PSEN1: variants seen among roughly 807,000 people sequenced by gnomAD.
PSEN1 encodes presenilin 1.
A neutral mutation model predicts 53.5 loss-of-function variants in PSEN1; 15 were observed. The observed-to-expected ratio is 0.28, with a 90% confidence interval of 0.19 to 0.43. The LOEUF (loss-of-function observed/expected upper bound fraction) is 0.43, where lower values mean the gene tolerates loss of function less well. Ranked by LOEUF, PSEN1 falls within the 20% of genes least tolerant of loss-of-function variation. The pLI is 1.00. For missense variants in PSEN1, 387 were observed against 571.2 expected, an observed-to-expected ratio of 0.68 and a Z score of 3.29; for synonymous variants, 208 against 209.8, an observed-to-expected ratio of 0.99 and a Z score of 0.08.
Position 73,211,762 on chromosome 14 carries a change from C to G in PSEN1, c.956-7C>G. On this transcript the variant is annotated splice_polypyrimidine_tract_variant and splice_region_variant and intron_variant, in intron 9 of 11. Coordinates refer to ENST00000324501, the MANE Select transcript of PSEN1 (RefSeq NM_000021.4). Reference sequence around the variant, plus strand: ...ATTAGAGCTGTAACTTCCACTTTCTCTTGAAGGCACAGAAAGGGAGTCACA... The same window carrying G: ...ATTAGAGCTGTAACTTCCACTTTCTGTTGAAGGCACAGAAAGGGAGTCACA... 1 of 1,613,916 alleles carries G rather than the reference C, an allele frequency of 6.2e-7. No homozygotes were observed. The highest frequency in any genetic ancestry group is 1.1e-5 in the South Asian group (1 of 91,056).
intron 8 of PSEN1, among the ~76,000 whole-genome samples, chr14:73,202,456 ATATATATTTTTTTTT>A (rs1899257028): frequency 6.8e-5 from 1 of 14,744 alleles, no homozygotes; most frequent in Admixed American, 9.6e-4. Context: ...ATATATATAT[ATATATATTTTTTTTT>A]TTTTTTTTTT....
chr14:73,145,731 A>G (rs978629015), intron 1 of PSEN1, among the ~76,000 whole-genome samples: 1 of 152,222 alleles, frequency 6.6e-6, no homozygotes, highest in Non-Finnish European at 1.5e-5. Flanking sequence ...TTTTTGCATC[A>G]TACTAAAGCT....
At chr14:73,198,252 A>G in intron 8 of PSEN1, 123 bp downstream of exon 8, 1 of 676,656 alleles carries the variant, frequency 1.5e-6, no homozygotes, top group Non-Finnish European at 2.7e-6. Flanking sequence ...CATTCCTGGA[A>G]CTCCTGCAGA....
chr14:73,177,898 T>C (rs1898090689), intron 5 of PSEN1, among the ~76,000 whole-genome samples: 1 of 152,180 alleles, frequency 6.6e-6, no homozygotes, highest in Admixed American at 6.5e-5. Flanking sequence ...GGTTTATGTC[T>C]TTTACCAAAT....
intron 10 of PSEN1, among the ~76,000 whole-genome samples, 188 bp from the exon 11 acceptor site, chr14:73,216,938 A>G (rs866732494): frequency 6.6e-6 from 1 of 152,190 alleles, no homozygotes; most frequent in African/African-American, 2.4e-5. Context: ...AGTCAGTCAC[A>G]TAGAATCTGG....
chr14:73,139,295 A>C (rs77462509), intron 1 of PSEN1: 5 of 149,502 alleles, frequency 3.3e-5, no homozygotes, highest in African/African-American at 1.2e-4. Context: ...TTTTAAAAAA[A>C]GGCTGGGCAC....
intron 1 of PSEN1, among the ~76,000 whole-genome samples, chr14:73,144,158 A>C (rs1696550419): frequency 6.8e-6 from 1 of 147,006 alleles, no homozygotes. Context: ...GTCCTGCCTC[A>C]GCCTCCCGAG....
chr14:73,203,768 A>C (rs362370), intron 8 of PSEN1, among the ~76,000 whole-genome samples: 1 of 152,302 alleles, frequency 6.6e-6, no homozygotes, highest in East Asian at 1.9e-4. Context: ...TGGGAGCTTA[A>C]CTAGAAGGGA....
intron 9 of PSEN1, 54 bp downstream of exon 9, chr14:73,206,526 C>T: frequency 8.4e-7 from 1 of 1,185,588 alleles, no homozygotes; most frequent in Non-Finnish European, 1.3e-6. Flanking sequence ...CTGTTATAAG[C>T]TAACAGTATA....
At chr14:73,197,026 G>A (rs977714713) in intron 7 of PSEN1, among the ~76,000 whole-genome samples, 9 of 148,756 alleles carry the variant, frequency 6.1e-5, no homozygotes, top group East Asian at 4.0e-4. Flanking sequence ...TCCGCTTCCC[G>A]GGTTCACGCC....
chr14:73,211,735 A>G, intron 9 of PSEN1, 34 bp from the exon 10 acceptor site: 1 of 1,612,332 alleles, frequency 6.2e-7, no homozygotes, highest in Non-Finnish European at 8.5e-7. Flanking sequence ...ATTTTTCTAA[A>G]TATTAGAGCT....
intron 3 of PSEN1, chr14:73,167,734 C>G (rs1897758261): frequency 6.7e-6 from 1 of 148,236 alleles, no homozygotes; most frequent in Non-Finnish European, 1.5e-5. Context: ...TCTAAAATAA[C>G]GTTTTCTGTT....
At chr14:73,200,983 G>A (rs778710007) in intron 8 of PSEN1, among the ~76,000 whole-genome samples, 19 of 152,068 alleles carry the variant, frequency 1.2e-4, no homozygotes, top group Admixed American at 3.3e-4. Context: ...CCCAGGAGGC[G>A]GAGGTTACAG....
intron 3 of PSEN1, among the ~76,000 whole-genome samples, chr14:73,157,904 T>G (rs1566622832): frequency 6.6e-6 from 1 of 152,140 alleles, no homozygotes; most frequent in East Asian, 1.9e-4. Flanking sequence ...GAGGATTGCT[T>G]GAACCCAGGA....
At chr14:73,191,834 A>C (rs1012249554) in intron 6 of PSEN1, among the ~76,000 whole-genome samples, 1 of 152,196 alleles carries the variant, frequency 6.6e-6, no homozygotes, top group Non-Finnish European at 1.5e-5. Flanking sequence ...AGTGTGAGCC[A>C]CTGTGCCTAG....
intron 10 of PSEN1, 125 bp from the exon 11 acceptor site, chr14:73,217,001 T>G (rs1426594680): frequency 1.8e-6 from 2 of 1,082,890 alleles, no homozygotes; most frequent in Non-Finnish European, 2.8e-6. Context: ...GAAGCCTAAT[T>G]TTGTATATCA....
chr14:73,187,527 C>T (rs1898561144), intron 6 of PSEN1, among the ~76,000 whole-genome samples: 2 of 151,900 alleles, frequency 1.3e-5, no homozygotes, highest in Non-Finnish European at 2.9e-5. Flanking sequence ...GGGAAATAAC[C>T]ACAGACAGAA....
intron 8 of PSEN1, among the ~76,000 whole-genome samples, chr14:73,203,612 G>GTATT (rs1188964004): frequency 6.6e-6 from 1 of 152,070 alleles, no homozygotes; most frequent in African/African-American, 2.4e-5. Flanking sequence ...CCAGTTAAGG[G>GTATT]TATTCAGTTT....
At chr14:73,168,602 A>G (rs967116777) in intron 3 of PSEN1, 1 of 152,252 alleles carries the variant, frequency 6.6e-6, no homozygotes, top group Non-Finnish European at 1.5e-5. Flanking sequence ...CCAGCCGGAG[A>G]TGGCCTGGCT....
Sources: gnomAD v4.1 joint callset for allele counts (sites outside exome capture counted in the v4.1 genomes callset) on GRCh38, gnomAD v4.1.1 for gene constraint, MANE v1.5 for transcripts, NCBI Gene and HGNC (gene_info 2026-07-23, HGNC 2026-07-21) for gene names.